The following AFF2 variants were observed in gnomAD, a reference collection of about 807,000 sequenced individuals.
AFF2 encodes ALF transcription elongation factor 2.
Under a neutral mutation model 76.9 loss-of-function variants are expected in AFF2, and 14 were observed. The observed-to-expected ratio is 0.18, with a 90% CI of 0.12 to 0.28. The LOEUF (loss-of-function observed/expected upper bound fraction) is 0.28, where lower values mean the gene tolerates loss of function less well. Ranked by LOEUF, AFF2 falls within the 10% of genes least tolerant of loss-of-function variation. The probability of loss-of-function intolerance (pLI) is 1.00; values close to 1 mark genes in which losing one functional copy is unlikely to be tolerated. For synonymous variants in AFF2, 398 were observed against 366.7 expected, an observed-to-expected ratio of 1.09 and a Z score of -0.98; for missense variants, 868 against 1,001.1, an observed-to-expected ratio of 0.87 and a Z score of 1.79.
chrX:148,835,484 C>CTTTTT (rs11354092), intron 4 of AFF2, among the ~76,000 whole-genome samples: 1 of 58,983 alleles, frequency 1.7e-5, no homozygotes, highest in African/African-American at 5.4e-5. Context: ...ACGTCACATA[C>CTTTTT]TTTTTTTTTT....
In AFF2 at chrX:148,626,249, A is replaced by C. The variant is rs187151155; in HGVS notation, c.48-25750A>C. Among the ~76,000 whole-genome samples the C allele has an allele frequency of 5.3e-3, 588 of 110,009 alleles. 2 individuals are homozygous for C. Among genetic ancestry groups the C allele is most frequent in the African/African-American group, 0.019 (566 of 30,311 alleles). On this transcript the variant is annotated intron_variant, in intron 1 of 20. Coordinates refer to ENST00000370460, the MANE Select transcript of AFF2 (RefSeq NM_002025.4). Reference sequence around the variant, plus strand: ...TTACTCTTTGTGGTTATTTGTGTTAATATTTAGCCAGACAGGCCTTCTGCT... The same window carrying C: ...TTACTCTTTGTGGTTATTTGTGTTACTATTTAGCCAGACAGGCCTTCTGCT...
chrX:148,826,330 C>T (rs2070388121), intron 4 of AFF2, among the ~76,000 whole-genome samples: 1 of 108,383 alleles, frequency 9.2e-6, no homozygotes, highest in Non-Finnish European at 1.9e-5. Flanking sequence ...CAATGGGAAA[C>T]TATCAATAAA....
Position 148,966,813 on chromosome X carries a change from A to G in AFF2, c.2937A>G (p.Ala979=). ...SVNEGDTPKK[A]SSATITVTNT... ...AGGAGGGAGACACTCCAAAAAAGGC[A>G]TCCTCTGCCACCATCACTGTCACCA... Residue 979 remains alanine, a synonymous_variant, in exon 14 of 21, where the codon GCA becomes GCG. Transcript: ENST00000370460. 8.3e-7 allele frequency: 1 copy of G among 1,210,835 alleles called. No homozygotes were observed. Among genetic ancestry groups the G allele is most frequent in the Non-Finnish European group, 1.1e-6 (1 of 895,121 alleles).
chrX:148,533,700 A>G (rs1048975524), intron 1 of AFF2, among the ~76,000 whole-genome samples: 5 of 112,000 alleles, frequency 4.5e-5, no homozygotes, highest in Non-Finnish European at 9.4e-5. Context: ...AGAATATGTT[A>G]TGAAATTTCT....
intron 3 of AFF2, among the ~76,000 whole-genome samples, chrX:148,734,109 G>A (rs2055258109): frequency 8.9e-6 from 1 of 112,095 alleles, no homozygotes; most frequent in Non-Finnish European, 1.9e-5. Flanking sequence ...GGAGGGTGAT[G>A]AAGTGCTTGC....
chrX:148,516,144 T>G (rs913949460), intron 1 of AFF2, among the ~76,000 whole-genome samples: 1 of 111,409 alleles, frequency 9.0e-6, no homozygotes, highest in Non-Finnish European at 1.9e-5. Context: ...CTGTGTTCGC[T>G]GTGTTCTCAT....
intron 3 of AFF2, among the ~76,000 whole-genome samples, chrX:148,706,182 G>A (rs1469093111): frequency 8.9e-6 from 1 of 112,038 alleles, no homozygotes; most frequent in Admixed American, 9.5e-5. Context: ...TTGTTTCTCA[G>A]AGCCTTGCAT....
chrX:148,756,947 A>G (rs1557266939), intron 3 of AFF2, among the ~76,000 whole-genome samples: 1 of 112,603 alleles, frequency 8.9e-6, no homozygotes, highest in Non-Finnish European at 1.9e-5. Flanking sequence ...ACAACAACAT[A>G]ACATGAGCAC....
intron 2 of AFF2, among the ~76,000 whole-genome samples, chrX:148,654,007 T>C (rs948505644): frequency 9.0e-6 from 1 of 111,536 alleles, no homozygotes; most frequent in Non-Finnish European, 1.9e-5. Context: ...TATTGTCTTA[T>C]AGGTATCAGT....
At chrX:148,673,883 A>G (rs2054451436) in intron 3 of AFF2, among the ~76,000 whole-genome samples, 1 of 112,503 alleles carries the variant, frequency 8.9e-6, no homozygotes. Flanking sequence ...GGTAAAATAT[A>G]ATTGTGCAAA....
At chrX:148,710,121 G>C (rs1259136849) in intron 3 of AFF2, among the ~76,000 whole-genome samples, 3 of 111,818 alleles carry the variant, frequency 2.7e-5, no homozygotes, top group Non-Finnish European at 5.6e-5. Context: ...ATTGCCCAAA[G>C]CCAGACACAA....
chrX:148,855,087 A>G (rs1557275789), intron 7 of AFF2, among the ~76,000 whole-genome samples: 6 of 111,645 alleles, frequency 5.4e-5, no homozygotes. Flanking sequence ...GACAATATCA[A>G]GTAGTTGGGA....
chrX:148,903,082 T>C (rs1246665077), intron 8 of AFF2, among the ~76,000 whole-genome samples: 4 of 110,702 alleles, frequency 3.6e-5, no homozygotes, highest in Non-Finnish European at 7.6e-5. Flanking sequence ...AGCAGTATTC[T>C]CTTCTCTGTA....
chrX:148,641,665 G>A (rs1425832472), intron 1 of AFF2, among the ~76,000 whole-genome samples: 2 of 111,473 alleles, frequency 1.8e-5, no homozygotes, highest in African/African-American at 6.5e-5. Context: ...CTTGTGACGA[G>A]TATTAGGAAG....
chrX:148,902,490 A>T (rs185828496), intron 8 of AFF2, among the ~76,000 whole-genome samples: 1 of 112,054 alleles, frequency 8.9e-6, no homozygotes, highest in East Asian at 2.8e-4. Context: ...AAAAAGGCAG[A>T]TGTGAGTGTG....
intron 18 of AFF2, 113 bp downstream of exon 18, chrX:148,978,568 C>T: frequency 1.9e-6 from 1 of 533,916 alleles, no homozygotes; most frequent in Non-Finnish European, 3.1e-6. Context: ...TCTCTCCTCC[C>T]TGCTGGCCAT....
At chrX:148,918,099 G>C (rs185822266) in intron 9 of AFF2, among the ~76,000 whole-genome samples, 153 of 112,024 alleles carry the variant, frequency 1.4e-3, no homozygotes, top group African/African-American at 4.8e-3. Context: ...GGGACAAACT[G>C]GTTTCTGGTG....
intron 4 of AFF2, among the ~76,000 whole-genome samples, chrX:148,818,456 A>C (rs1331865033): frequency 8.9e-6 from 1 of 112,236 alleles, no homozygotes; most frequent in Non-Finnish European, 1.9e-5. Flanking sequence ...ACAATTCCTG[A>C]AAAGGAAGAC....
At chrX:148,795,646 CA>C (rs1307968585) in intron 3 of AFF2, among the ~76,000 whole-genome samples, 1 of 99,531 alleles carries the variant, frequency 1.0e-5, no homozygotes, top group African/African-American at 3.6e-5. Flanking sequence ...ACTAATAATA[CA>C]AAAAAATTAG....
Sources: gnomAD v4.1 joint callset for allele counts (sites outside exome capture counted in the v4.1 genomes callset) on GRCh38, gnomAD v4.1.1 for gene constraint, MANE v1.5 for transcripts, NCBI Gene and HGNC (gene_info 2026-07-23, HGNC 2026-07-21) for gene names.